Variants in CTIF observed in about 807,000 individuals in gnomAD.
The protein encoded by CTIF is CBP80/20-dependent translation initiation factor.
A neutral mutation model predicts 66.0 loss-of-function variants in CTIF; 21 were observed. The ratio of observed to expected loss-of-function variants is 0.32; its 90% CI spans 0.23 to 0.46. The LOEUF (loss-of-function observed/expected upper bound fraction) is 0.46, where lower values mean the gene tolerates loss of function less well. CTIF is among the 20% of genes least tolerant of loss of function. The pLI, the probability that CTIF is intolerant of heterozygous loss-of-function variation, is 1.00. For synonymous variants in CTIF, 345 were observed against 326.4 expected (o/e 1.06, Z -0.62); for missense variants, 739 against 812.7 (o/e 0.91, Z 1.10).
chr18:48,832,935 G>T (rs1422440799), intron 10 of CTIF, among the ~76,000 whole-genome samples: 2 of 152,308 alleles, frequency 1.3e-5, no homozygotes, highest in East Asian at 1.9e-4. Flanking sequence ...TGCTGAGTCT[G>T]GGGGGCGGAG....
rs1952428210 is a variant in CTIF at position 48,860,357 on chromosome 18, G to A, written c.*798G>A. ...AGCACTGTTGAGGACCCCCGGATTAGTGGGAGATCAAACCCAGCTCCCCTC... is the reference window on the plus strand; with the variant it reads ...AGCACTGTTGAGGACCCCCGGATTAATGGGAGATCAAACCCAGCTCCCCTC... On this transcript the variant is annotated 3_prime_UTR_variant, in exon 12 of 12. Transcript: ENST00000256413. 6.0e-6 allele frequency: 1 copy of A among 167,648 alleles called. No individual in the cohort carries two copies. The highest frequency in any genetic ancestry group is 2.4e-5 in the African/African-American group (1 of 42,232). The allele number at this position is 167,648 out of a possible 1,614,324, so 10.4% of individuals were successfully genotyped here.
At chr18:48,825,215 G>GCCCCCTGGCTT (rs1468194520) in intron 10 of CTIF, among the ~76,000 whole-genome samples, 1 of 151,962 alleles carries the variant, frequency 6.6e-6, no homozygotes, top group Non-Finnish European at 1.5e-5. Flanking sequence ...CCCTCTGGTT[G>GCCCCCTGGCTT]CCCCCTGGCT....
At chr18:48,675,282 G>T (rs113947268) in intron 6 of CTIF, among the ~76,000 whole-genome samples, 1 of 152,230 alleles carries the variant, frequency 6.6e-6, no homozygotes, top group Non-Finnish European at 1.5e-5. Flanking sequence ...GGTTGGCCAG[G>T]CTACCACTCT....
At chr18:48,838,366 G>A (rs897205375) in intron 10 of CTIF, among the ~76,000 whole-genome samples, 5 of 151,894 alleles carry the variant, frequency 3.3e-5, no homozygotes, top group Admixed American at 3.3e-4. Flanking sequence ...CTAGAGTTGA[G>A]CGTGCTGGGC....
At chr18:48,665,147 C>T (rs1405735625) in intron 5 of CTIF, among the ~76,000 whole-genome samples, 2 of 151,884 alleles carry the variant, frequency 1.3e-5, no homozygotes, top group African/African-American at 4.8e-5. Flanking sequence ...ATCTCCTGAC[C>T]TCATGATCCA....
At chr18:48,852,679 A>C (rs1292029966) in intron 10 of CTIF, among the ~76,000 whole-genome samples, 1 of 152,204 alleles carries the variant, frequency 6.6e-6, no homozygotes, top group Admixed American at 6.5e-5. Context: ...CTACTTAACC[A>C]GTCCCCTTGT....
Position 48,592,508 on chromosome 18 carries a change from A to G in CTIF, c.-28-27030A>G, listed in dbSNP as rs529539218. On this transcript the variant is annotated intron_variant, in intron 1 of 11. Coordinates refer to ENST00000256413, the MANE Select transcript of CTIF (RefSeq NM_014772.3). Reference sequence around the variant, plus strand: ...GTGAAACCCTGTCTCAAAAAAAAAAAAAAAAGAAAAAGAAAAAGAAAACAG... The same window carrying G: ...GTGAAACCCTGTCTCAAAAAAAAAAGAAAAAGAAAAAGAAAAAGAAAACAG... 7.4e-4 allele frequency among the ~76,000 whole-genome samples: 111 copies of G among 150,930 alleles called. 1 individual carries two copies. Among genetic ancestry groups the G allele is most frequent in the African/African-American group, 1.3e-3 (53 of 40,830 alleles).
intron 6 of CTIF, among the ~76,000 whole-genome samples, chr18:48,706,966 G>A (rs1461209006): frequency 1.3e-5 from 2 of 152,222 alleles, no homozygotes; most frequent in South Asian, 2.1e-4. Context: ...AGGGGAGAAT[G>A]GTTCTCATGC....
chr18:48,636,507 C>CA lies in CTIF; in HGVS notation c.181-106dup, dbSNP rs2090823777. On this transcript the variant is annotated intron_variant, in intron 2 of 11. Transcript: ENST00000256413. The stretch of plus-strand genomic sequence containing the variant: ...GCATTGAAATGGCCAAATAGGATTC[C>CA]ACAGTCATGCTAATGGGGAAGGCCA... 3 of 745,784 alleles carry CA rather than the reference C, an allele frequency of 4.0e-6. No individual in the cohort carries two copies. In the Middle Eastern group the frequency reaches 7.6e-4, roughly 188 times the overall value. 46.2% of individuals were successfully genotyped at this position (745,784 alleles called of 1,614,324 possible).
At chr18:48,631,905 C>A (rs908213737) in intron 2 of CTIF, among the ~76,000 whole-genome samples, 5 of 152,160 alleles carry the variant, frequency 3.3e-5, no homozygotes, top group African/African-American at 1.2e-4. Flanking sequence ...CAAGCCCTGG[C>A]CCGGACTGAG....
intron 1 of CTIF, among the ~76,000 whole-genome samples, chr18:48,580,307 C>T (rs184590548): frequency 6.6e-6 from 1 of 152,322 alleles, no homozygotes; most frequent in Admixed American, 6.5e-5. Context: ...TGACACATCT[C>T]CAATCAGCAA....
At chr18:48,575,287 C>A (rs2089505922) in intron 1 of CTIF, among the ~76,000 whole-genome samples, 1 of 152,172 alleles carries the variant, frequency 6.6e-6, no homozygotes, top group South Asian at 2.1e-4. Context: ...TGATGCTTTG[C>A]CCCCCGACAG....
chr18:48,754,989 G>C (rs181852639), intron 7 of CTIF, among the ~76,000 whole-genome samples: 64 of 152,288 alleles, frequency 4.2e-4, no homozygotes, highest in Non-Finnish European at 8.8e-4. Context: ...TTTTCTGGGG[G>C]TGGAGGAGTG....
chr18:48,736,498 G>A (rs1223331069), intron 7 of CTIF, among the ~76,000 whole-genome samples: 4 of 152,186 alleles, frequency 2.6e-5, no homozygotes, highest in East Asian at 1.9e-4. Context: ...CCAGACTGCC[G>A]CCTTGGGATG....
At chr18:48,676,906 A>C (rs2091639423) in intron 6 of CTIF, among the ~76,000 whole-genome samples, 1 of 151,964 alleles carries the variant, frequency 6.6e-6, no homozygotes, top group Non-Finnish European at 1.5e-5. Flanking sequence ...GGTGTCCCTC[A>C]CTCCTGGAGG....
At chr18:48,610,079 C>G (rs1331431436) in intron 1 of CTIF, among the ~76,000 whole-genome samples, 1 of 152,142 alleles carries the variant, frequency 6.6e-6, no homozygotes, top group Non-Finnish European at 1.5e-5. Flanking sequence ...AGCCACAGGC[C>G]CGTCTACCCA....
chr18:48,856,356 C>T (rs1186006342), intron 10 of CTIF, among the ~76,000 whole-genome samples: 4 of 152,218 alleles, frequency 2.6e-5, no homozygotes, highest in Non-Finnish European at 5.9e-5. Flanking sequence ...CTTGCAGCTA[C>T]TCAAAAAGCT....
intron 3 of CTIF, among the ~76,000 whole-genome samples, chr18:48,648,461 C>T (rs1007525407): frequency 2.1e-4 from 18 of 84,798 alleles, no homozygotes; most frequent in African/African-American, 4.6e-4. Flanking sequence ...TGCCGTCCTT[C>T]GTTCTGAACA....
chr18:48,780,864 A>C (rs996980379), intron 9 of CTIF, among the ~76,000 whole-genome samples: 1 of 152,030 alleles, frequency 6.6e-6, no homozygotes, highest in Non-Finnish European at 1.5e-5. Flanking sequence ...GGGCTTAAGG[A>C]GGGGGGCGTG....
Sources: gnomAD v4.1 joint callset for allele counts (sites outside exome capture counted in the v4.1 genomes callset) on GRCh38, gnomAD v4.1.1 for gene constraint, MANE v1.5 for transcripts, NCBI Gene and HGNC (gene_info 2026-07-23, HGNC 2026-07-21) for gene names.